CPAP: variants seen among roughly 807,000 people sequenced by gnomAD.
The protein encoded by CPAP is centrosome assembly and centriole elongation protein, also known as centrosomal P4.1-associated protein.
the CPAP span, chr13:24,912,106 T>G: frequency 1.3e-6 from 2 of 1,582,970 alleles, no homozygotes. Context: ...TAAATCAACT[T>G]TACAATTCTT....
At chr13:24,906,896 CCTT>C in the CPAP span, 15 of 1,613,942 alleles carry the variant, frequency 9.3e-6, no homozygotes, top group African/African-American at 1.7e-4. Context: ...TCTAGCTAAA[CCTT>C]CTCCTCGTTT....
the CPAP span, among the ~76,000 whole-genome samples, chr13:24,888,782 T>A: frequency 6.6e-6 from 1 of 152,190 alleles, no homozygotes. Flanking sequence ...ACATAGCTAT[T>A]AAAATCAATC....
At chr13:24,899,517 C>T in the CPAP span, 3 of 1,613,800 alleles carry the variant, frequency 1.9e-6, no homozygotes, top group South Asian at 2.2e-5. Context: ...CTCATCTCCT[C>T]CTTTTTAAAC....
At chr13:24,919,060 GA>G in the CPAP span, among the ~76,000 whole-genome samples, 1 of 151,904 alleles carries the variant, frequency 6.6e-6, no homozygotes, top group Non-Finnish European at 1.5e-5. Context: ...GAAATGAAAA[GA>G]AAAAAGAAAA....
chr13:24,884,227 C>A, the CPAP span: 1 of 1,614,098 alleles, frequency 6.2e-7, no homozygotes. Flanking sequence ...GTGGTCTGGG[C>A]AGCTGCATAG....
the CPAP span, chr13:24,907,957 A>G: frequency 8.4e-7 from 1 of 1,196,368 alleles, no homozygotes; most frequent in Non-Finnish European, 1.2e-6. Flanking sequence ...AAAGTGTTCA[A>G]TAATAAAGGC....
chr13:24,894,838 G>C, the CPAP span, among the ~76,000 whole-genome samples: 1 of 152,066 alleles, frequency 6.6e-6, no homozygotes, highest in East Asian at 1.9e-4. Flanking sequence ...CCCTGGGGAT[G>C]GGGGAGAGGA....
the CPAP span, among the ~76,000 whole-genome samples, chr13:24,927,032 CAT>C: frequency 6.6e-6 from 1 of 152,168 alleles, no homozygotes; most frequent in African/African-American, 2.4e-5. Context: ...CTGGGTAAAA[CAT>C]ATGGGTCACT....
At chr13:24,920,944 G>A in the CPAP span, among the ~76,000 whole-genome samples, 2 of 152,042 alleles carry the variant, frequency 1.3e-5, no homozygotes, top group African/African-American at 4.8e-5. Context: ...CCATGTATAT[G>A]AAGCTGAAGA....
the CPAP span, among the ~76,000 whole-genome samples, chr13:24,895,030 C>A: frequency 3.9e-5 from 6 of 152,228 alleles, no homozygotes; most frequent in Admixed American, 1.3e-4. Context: ...AGCTCAGAGG[C>A]AAGGCCTCCA....
At chr13:24,929,901 A>ATTTT in the CPAP span, among the ~76,000 whole-genome samples, 33 of 100,918 alleles carry the variant, frequency 3.3e-4, no homozygotes, top group Middle Eastern at 6.5e-3. Context: ...TCACTTGTGA[A>ATTTT]TTTTTTTTTT....
the CPAP span, among the ~76,000 whole-genome samples, chr13:24,902,870 G>A: frequency 6.6e-6 from 1 of 152,146 alleles, no homozygotes; most frequent in Non-Finnish European, 1.5e-5. Context: ...CCCGCAGCAG[G>A]CAGCCATGGG....
the CPAP span, among the ~76,000 whole-genome samples, chr13:24,927,913 T>C: frequency 0.017 from 2,576 of 152,306 alleles, 72 homozygotes; most frequent in African/African-American, 0.059. Flanking sequence ...ATCTTGGATA[T>C]ATACTAACAT....
the CPAP span, among the ~76,000 whole-genome samples, chr13:24,884,993 GGA>G: frequency 6.6e-5 from 10 of 152,308 alleles, no homozygotes; most frequent in South Asian, 1.7e-3. Flanking sequence ...CTGGAGATGA[GGA>G]GAGAGGTCCC....
chr13:24,915,601 C>T, the CPAP span, among the ~76,000 whole-genome samples: 1 of 152,086 alleles, frequency 6.6e-6, no homozygotes, highest in Non-Finnish European at 1.5e-5. Flanking sequence ...GTCAGGAGTT[C>T]GAGACCAGTC....
At chr13:24,886,373 G>A in the CPAP span, 43 of 1,288,978 alleles carry the variant, frequency 3.3e-5, no homozygotes, top group South Asian at 6.2e-5. Flanking sequence ...CGTGTGAGGC[G>A]GCTGTGCTGT....
the CPAP span, among the ~76,000 whole-genome samples, chr13:24,914,632 C>A: frequency 6.6e-5 from 10 of 152,138 alleles, no homozygotes; most frequent in African/African-American, 2.2e-4. Context: ...CCAGACTACA[C>A]ACTCCTTTTC....
At chr13:24,927,377 C>A in the CPAP span, among the ~76,000 whole-genome samples, 1 of 152,146 alleles carries the variant, frequency 6.6e-6, no homozygotes, top group Admixed American at 6.5e-5. Context: ...CCATATAGAA[C>A]CAGCAGACAG....
the CPAP span, among the ~76,000 whole-genome samples, chr13:24,896,668 TC>T: frequency 6.6e-6 from 1 of 152,158 alleles, no homozygotes; most frequent in East Asian, 1.9e-4. Flanking sequence ...CTGGTTTGAA[TC>T]CTTGGAAGAA....
Sources: allele counts gnomAD v4.1 joint callset (sites outside exome capture counted in the v4.1 genomes callset), GRCh38; gene constraint gnomAD v4.1.1; transcripts MANE v1.5; gene names NCBI Gene and HGNC (gene_info 2026-07-23, HGNC 2026-07-21).